The following GRIP1 variants were observed in gnomAD, a reference collection of about 807,000 sequenced individuals.
GRIP1 encodes the protein glutamate receptor-interacting protein 1.
In GRIP1, 45 loss-of-function variants were observed where a neutral mutation model predicts 129.9. The ratio of observed to expected loss-of-function variants is 0.35; its 90% CI spans 0.27 to 0.44. GRIP1 has a LOEUF of 0.44. Among genes scored for constraint, GRIP1 ranks in the 20% least tolerant of loss-of-function variants. The pLI, the probability that GRIP1 is intolerant of heterozygous loss-of-function variation, is 1.00. For synonymous variants in GRIP1, 530 were observed against 520.8 expected (o/e 1.02, Z -0.24); for missense variants, 1,196 against 1,396.8 (o/e 0.86, Z 2.29).
chr12:66,718,835 A>T (rs773281987), intron 1 of GRIP1, among the ~76,000 whole-genome samples: 1 of 152,124 alleles, frequency 6.6e-6, no homozygotes, highest in Non-Finnish European at 1.5e-5. Flanking sequence ...CTGGGCAAAA[A>T]GAGTGAAACT....
intron 1 of GRIP1, among the ~76,000 whole-genome samples, chr12:66,658,077 G>C (rs1039649900): frequency 6.6e-6 from 1 of 152,082 alleles, no homozygotes; most frequent in African/African-American, 2.4e-5. Context: ...ATTAGTGAAA[G>C]TAATGGTATG....
chr12:66,622,469 T>C (rs67538184), intron 1 of GRIP1, among the ~76,000 whole-genome samples: 49,204 of 151,976 alleles, frequency 0.32, 8,251 homozygotes, highest in Non-Finnish European at 0.36. Flanking sequence ...AGATGCTGGA[T>C]ACCCCATTTA....
chr12:66,844,286 A>C (rs747841382), intron 1 of GRIP1, among the ~76,000 whole-genome samples: 1 of 152,184 alleles, frequency 6.6e-6, no homozygotes, highest in Non-Finnish European at 1.5e-5. Flanking sequence ...TGGGCAAAAG[A>C]CTTGAATAGA....
chr12:66,762,454 T>G (rs1315985301), intron 1 of GRIP1, among the ~76,000 whole-genome samples: 2 of 152,240 alleles, frequency 1.3e-5, no homozygotes, highest in Admixed American at 1.3e-4. Flanking sequence ...CTCTTTCATT[T>G]TCCTGTTACT....
chr12:66,523,537 C>T (rs1167689502), intron 5 of GRIP1, among the ~76,000 whole-genome samples: 4 of 152,016 alleles, frequency 2.6e-5, no homozygotes, highest in Non-Finnish European at 5.9e-5. Flanking sequence ...AAGCACTAAA[C>T]ATGGAAAGGA....
intron 1 of GRIP1, among the ~76,000 whole-genome samples, chr12:66,789,585 G>GGTA (rs1234778195): frequency 1.1e-4 from 1 of 9,430 alleles, no homozygotes; most frequent in African/African-American, 1.2e-4. Context: ...TGTACAAATA[G>GGTA]ATAATGGTCC....
At chr12:66,506,156 T>C (rs928768603) in intron 7 of GRIP1, among the ~76,000 whole-genome samples, 12 of 152,186 alleles carry the variant, frequency 7.9e-5, no homozygotes, top group Non-Finnish European at 1.2e-4. Flanking sequence ...GTAACTGACA[T>C]GTAACCTAAG....
Position 66,490,570 on chromosome 12 carries a change from C to A in GRIP1, c.724+25049G>T, listed in dbSNP as rs576166318. On this transcript the variant is annotated intron_variant, in intron 7 of 24. Coordinates refer to ENST00000359742, the MANE Select transcript of GRIP1 (RefSeq NM_001366722.1). ...ATACCATTCAGGACATAGGCATGGGCAAAGATTTCATGATGAAAATACTAA... is the reference window on the plus strand; with the variant it reads ...ATACCATTCAGGACATAGGCATGGGAAAAGATTTCATGATGAAAATACTAA... 4.6e-5 allele frequency among the ~76,000 whole-genome samples: 7 copies of A among 152,040 alleles called. No individual in the cohort carries two copies. In the South Asian group the frequency reaches 1.5e-3, roughly 32 times the overall value.
At chr12:66,594,137 A>G (rs1293917862) in intron 2 of GRIP1, among the ~76,000 whole-genome samples, 1 of 150,058 alleles carries the variant, frequency 6.7e-6, no homozygotes, top group Non-Finnish European at 1.5e-5. Flanking sequence ...CAGCTGGGAC[A>G]GGTCAATGGC....
intron 2 of GRIP1, among the ~76,000 whole-genome samples, chr12:66,579,382 C>T (rs2063280048): frequency 6.6e-6 from 1 of 152,212 alleles, no homozygotes; most frequent in Admixed American, 6.5e-5. Flanking sequence ...CGCAGTTCCT[C>T]ACCAGCAATG....
chr12:66,392,638 CT>C, intron 18 of GRIP1, 38 bp downstream of exon 18: 11 of 1,611,354 alleles, frequency 6.8e-6, no homozygotes, highest in Non-Finnish European at 8.5e-6. Flanking sequence ...AGAAAATGCA[CT>C]GGAAATCCTT....
chr12:66,746,226 T>A (rs1175635683), intron 1 of GRIP1, among the ~76,000 whole-genome samples: 1 of 152,072 alleles, frequency 6.6e-6, no homozygotes, highest in South Asian at 2.1e-4. Context: ...GAGAAATCAA[T>A]CTCTATAAGA....
chr12:66,572,249 A>C (rs1464918301), intron 2 of GRIP1, among the ~76,000 whole-genome samples: 3 of 152,202 alleles, frequency 2.0e-5, no homozygotes, highest in African/African-American at 4.8e-5. Context: ...CCAATTCATT[A>C]TCTCTCCCTC....
chr12:66,467,091 T>C (rs1053615782), intron 7 of GRIP1, among the ~76,000 whole-genome samples: 5 of 152,192 alleles, frequency 3.3e-5, no homozygotes, highest in African/African-American at 1.2e-4. Context: ...CCTAACTGAC[T>C]GGTAAGATTG....
At chr12:67,002,765 AT>A (rs77062149) in intron 1 of GRIP1, among the ~76,000 whole-genome samples, 13,312 of 151,880 alleles carry the variant, frequency 0.088, 624 homozygotes, top group East Asian at 0.22. Context: ...ATCTACTTTT[AT>A]TTTTTCTTTC....
intron 1 of GRIP1, among the ~76,000 whole-genome samples, chr12:66,742,017 G>A (rs761163297): frequency 3.9e-5 from 6 of 152,106 alleles, no homozygotes; most frequent in Non-Finnish European, 8.8e-5. Context: ...CAATACTAAA[G>A]TGTAGAATTA....
chr12:66,664,843 G>A (rs2033707390), intron 1 of GRIP1, among the ~76,000 whole-genome samples: 1 of 151,958 alleles, frequency 6.6e-6, no homozygotes, highest in African/African-American at 2.4e-5. Context: ...TCTTTTTAAT[G>A]TTAATGGTAC....
rs1210968527 is a variant in GRIP1, at chr12:66,785,969, G to A, written c.-420+18084C>T. On this transcript the variant is annotated intron_variant, in intron 1 of 4. Coordinates refer to the GRIP1 transcript ENST00000538373. Reference sequence around the variant, plus strand: ...ATGGTGGCATGCACCAATAGTCCCAGCTATTCAGGAGGCTGAGGTGGGAGG... The same window carrying A: ...ATGGTGGCATGCACCAATAGTCCCAACTATTCAGGAGGCTGAGGTGGGAGG... Among the ~76,000 whole-genome samples the A allele has an allele frequency of 2.6e-5, 4 of 152,302 alleles. No individual in the cohort carries two copies. The East Asian group carries it at 7.7e-4, about 29-fold the overall frequency.
At chr12:66,984,762 A>G (rs967312324) in intron 1 of GRIP1, among the ~76,000 whole-genome samples, 3 of 152,222 alleles carry the variant, frequency 2.0e-5, no homozygotes, top group African/African-American at 7.2e-5. Flanking sequence ...GTGCTCAGTC[A>G]AAGTAAACAG....
Sources: allele counts gnomAD v4.1 joint callset (sites outside exome capture counted in the v4.1 genomes callset), GRCh38; gene constraint gnomAD v4.1.1; transcripts MANE v1.5; gene names NCBI Gene and HGNC (gene_info 2026-07-23, HGNC 2026-07-21).